KCNQ4: variants seen among roughly 807,000 people sequenced by gnomAD.
KCNQ4 encodes potassium voltage-gated channel subfamily Q member 4.
A neutral mutation model predicts 72.6 loss-of-function variants in KCNQ4; 31 were observed. That is an observed-to-expected ratio of 0.43 (90% CI 0.32 to 0.58). The LOEUF (loss-of-function observed/expected upper bound fraction) is 0.58. Among genes scored for constraint, KCNQ4 ranks in the 20% least tolerant of loss-of-function variants. The probability of loss-of-function intolerance (pLI) is 0.08; values close to 1 mark genes in which losing one functional copy is unlikely to be tolerated. For synonymous variants in KCNQ4, 405 were observed against 403.7 expected, an observed-to-expected ratio of 1.00 and a Z score of -0.04; for missense variants, 869 against 962.6, an observed-to-expected ratio of 0.90 and a Z score of 1.29.
intron 1 of KCNQ4, among the ~76,000 whole-genome samples, chr1:40,812,638 A>C (rs964212863): frequency 6.6e-6 from 1 of 152,194 alleles, no homozygotes; most frequent in Non-Finnish European, 1.5e-5. Flanking sequence ...ACTCTTAGCC[A>C]GTGGGTTAAA....
At chr1:40,833,719 G>A (rs919875402) in intron 11 of KCNQ4, among the ~76,000 whole-genome samples, 5 of 151,284 alleles carry the variant, frequency 3.3e-5, no homozygotes, top group African/African-American at 1.2e-4. Flanking sequence ...GAGTCAGGCT[G>A]GGCGTGGTGG....
chr1:40,803,271 C>CA (rs1288858031), intron 1 of KCNQ4, among the ~76,000 whole-genome samples: 1 of 152,172 alleles, frequency 6.6e-6, no homozygotes, highest in Non-Finnish European at 1.5e-5. Context: ...GATGGATCAG[C>CA]AAAAAATAGG....
chr1:40,799,285 C>T (rs1427179754), intron 1 of KCNQ4, among the ~76,000 whole-genome samples: 1 of 152,078 alleles, frequency 6.6e-6, no homozygotes, highest in Admixed American at 6.5e-5. Context: ...AGGATGGGGG[C>T]GATGTCAGGG....
chr1:40,808,383 G>A (rs116987089), intron 1 of KCNQ4, among the ~76,000 whole-genome samples: 3 of 152,318 alleles, frequency 2.0e-5, no homozygotes, highest in East Asian at 3.9e-4. Context: ...CATGTGTTGA[G>A]TGCCTGTGAT....
intron 1 of KCNQ4, among the ~76,000 whole-genome samples, chr1:40,815,731 C>T (rs994416639): frequency 3.3e-5 from 5 of 152,090 alleles, no homozygotes. Flanking sequence ...TCAGGAACCC[C>T]TGTCCAGGAG....
rs564152935 is a variant in KCNQ4, at chr1:40,791,052, C to T, written c.314+6645C>T. Among the ~76,000 whole-genome samples the T allele has an allele frequency of 1.9e-4, 29 of 152,148 alleles. No homozygotes were observed. In the South Asian group the frequency reaches 6.0e-3, roughly 32 times the overall value. On this transcript the variant is annotated intron_variant, in intron 1 of 13. Transcript: ENST00000347132. ...TGCCCAGAGAGACAGCCAGGGACTC[C>T]TGGGAGAGGAGGGCACTCCCCCACT... is the stretch of plus-strand genomic sequence containing the variant.
chr1:40,812,359 C>T (rs956965887), intron 1 of KCNQ4, among the ~76,000 whole-genome samples: 1 of 152,180 alleles, frequency 6.6e-6, no homozygotes, highest in African/African-American at 2.4e-5. Flanking sequence ...CTGGCTCAAG[C>T]GATCTTCCCA....
At chr1:40,798,327 G>A (rs1446871089) in intron 1 of KCNQ4, among the ~76,000 whole-genome samples, 1 of 152,192 alleles carries the variant, frequency 6.6e-6, no homozygotes, top group Admixed American at 6.5e-5. Flanking sequence ...CCCTCTGGAT[G>A]GTCTTGGGCA....
intron 7 of KCNQ4, among the ~76,000 whole-genome samples, chr1:40,821,715 T>C (rs1253424831): frequency 6.6e-6 from 1 of 152,230 alleles, no homozygotes; most frequent in Non-Finnish European, 1.5e-5. Flanking sequence ...CCAGACACTA[T>C]ATTTGCACTG....
intron 9 of KCNQ4, among the ~76,000 whole-genome samples, chr1:40,826,435 A>T (rs1357970529): frequency 1.3e-5 from 2 of 152,190 alleles, no homozygotes; most frequent in Non-Finnish European, 2.9e-5. Flanking sequence ...AGCCTTCTGC[A>T]TATGTAACAT....
intron 1 of KCNQ4, among the ~76,000 whole-genome samples, chr1:40,800,940 A>G (rs1468901367): frequency 1.3e-5 from 2 of 152,216 alleles, no homozygotes; most frequent in Non-Finnish European, 2.9e-5. Context: ...TACAAAAGCC[A>G]CCAAGGTGGA....
At chr1:40,797,436 G>A (rs1294757737) in intron 1 of KCNQ4, among the ~76,000 whole-genome samples, 1 of 152,204 alleles carries the variant, frequency 6.6e-6, no homozygotes, top group Admixed American at 6.5e-5. Context: ...GAAGTCAGAA[G>A]AGCGGGATCC....
intron 1 of KCNQ4, among the ~76,000 whole-genome samples, chr1:40,792,802 T>A (rs1347611412): frequency 6.6e-6 from 1 of 152,056 alleles, no homozygotes; most frequent in Admixed American, 6.5e-5. Flanking sequence ...CCTAAAAAAA[T>A]ACATTCGCCC....
intron 1 of KCNQ4, among the ~76,000 whole-genome samples, chr1:40,797,837 G>C (rs1047106531): frequency 6.6e-6 from 1 of 152,164 alleles, no homozygotes; most frequent in Non-Finnish European, 1.5e-5. Flanking sequence ...TCTGGCTTGG[G>C]GGGAGATGTG....
At chr1:40,809,815 A>G (rs912131451) in intron 1 of KCNQ4, among the ~76,000 whole-genome samples, 7 of 152,170 alleles carry the variant, frequency 4.6e-5, no homozygotes, top group Non-Finnish European at 8.8e-5. Context: ...CTGTAATCCC[A>G]GCACTTTGGG....
intron 4 of KCNQ4, chr1:40,819,026 G>T: frequency 3.6e-6 from 2 of 556,404 alleles, no homozygotes; most frequent in South Asian, 2.0e-5. Context: ...CGGGGCTAGG[G>T]TGGGCCCCAG....
rs558194051 is a variant in KCNQ4, at chr1:40,801,602, C to T, written c.315-15663C>T. On this transcript the variant is annotated intron_variant, in intron 1 of 13. Transcript: ENST00000347132. ...TTCATGGAGCTTACATTGAGGGGGG[C>T]GGGAGAACCAGGAACTGTATCTATC... Among the ~76,000 whole-genome samples the T allele has an allele frequency of 3.3e-5, 5 of 152,272 alleles. No individual in the cohort carries two copies. In the South Asian group the frequency reaches 1.0e-3, roughly 32 times the overall value.
chr1:40,807,026 G>A (rs150734390), intron 1 of KCNQ4, among the ~76,000 whole-genome samples: 3 of 152,344 alleles, frequency 2.0e-5, no homozygotes, highest in East Asian at 3.9e-4. Context: ...GCTGAGGGGT[G>A]CTGGAATCCA....
In KCNQ4 at chr1:40,784,273, G is replaced by A; in HGVS notation, c.180G>A (p.Gly60=). The change falls in exon 1 of 14, where the codon GGG becomes GGA. Residue 60 remains glycine, a synonymous_variant. Coordinates refer to ENST00000347132, the MANE Select transcript of KCNQ4 (RefSeq NM_004700.4). The surrounding 1 kb of genome is among the most constrained non-coding windows in gnomAD (Gnocchi z 4.1). ...SPLPPGAPLP[G]PGSGSGSACG... is the part of the protein sequence containing the mutation. ...TGCCGCCGGGCGCGCCCCTCCCTGG[G>A]CCGGGCTCCGGCTCGGGCTCCGCCT... The A allele has an allele frequency of 1.3e-6, 2 of 1,525,800 alleles. No homozygotes were observed. The highest frequency in any genetic ancestry group is 2.6e-5 in the East Asian group (1 of 38,412). 94.5% of individuals were successfully genotyped at this position (1,525,800 alleles called of 1,614,324 possible).
Sources: allele counts gnomAD v4.1 joint callset (sites outside exome capture counted in the v4.1 genomes callset), GRCh38; gene constraint gnomAD v4.1.1; non-coding constraint Gnocchi (gnomAD v3.1); transcripts MANE v1.5; gene names NCBI Gene and HGNC (gene_info 2026-07-23, HGNC 2026-07-21).